The following PDE9A variants were observed in gnomAD, a reference collection of about 807,000 sequenced individuals.
The protein encoded by PDE9A is phosphodiesterase 9A.
Under a neutral mutation model 87.4 loss-of-function variants are expected in PDE9A, and 60 were observed. The observed-to-expected ratio is 0.69, with a 90% CI of 0.56 to 0.85. The LOEUF (loss-of-function observed/expected upper bound fraction) is 0.85, where lower values mean the gene tolerates loss of function less well. Ranked by LOEUF, PDE9A falls within the 40% of genes least tolerant of loss-of-function variation. The pLI, the probability that PDE9A is intolerant of heterozygous loss-of-function variation, is 0.00. For missense variants in PDE9A, 665 were observed against 779.0 expected (o/e 0.85, Z 1.74); for synonymous variants, 272 against 279.4 (o/e 0.97, Z 0.27).
rs534532663 is a variant in PDE9A at position 42,707,838 on chromosome 21, T to A, written c.262+8827T>A. ...CTTGGAGGATAAATGAAGTAATTTATGCAAAATGCTGAGCACAGTGCCTGC... is the reference window on the plus strand; with the variant it reads ...CTTGGAGGATAAATGAAGTAATTTAAGCAAAATGCTGAGCACAGTGCCTGC... On this transcript the variant is annotated intron_variant, in intron 4 of 19. Coordinates refer to ENST00000291539, the MANE Select transcript of PDE9A (RefSeq NM_002606.3). Among the ~76,000 whole-genome samples, 189 of 152,346 alleles carry A rather than the reference T, an allele frequency of 1.2e-3. 1 individual carries two copies. The highest frequency in any genetic ancestry group is 4.1e-3 in the African/African-American group (169 of 41,572).
At chr21:42,657,925 G>T (rs1229447574) in intron 1 of PDE9A, among the ~76,000 whole-genome samples, 1 of 152,198 alleles carries the variant, frequency 6.6e-6, no homozygotes, top group Non-Finnish European at 1.5e-5. Flanking sequence ...TTGAGTTTGC[G>T]GGGCTGTTTC....
rs556362829 is a variant in PDE9A at position 42,760,558 on chromosome 21, C to T, written c.1002+126C>T. On this transcript the variant is annotated intron_variant, in intron 12 of 19. Transcript: ENST00000291539. The surrounding 1 kb of genome is among the most constrained non-coding windows in gnomAD (Gnocchi z 5.2). ...GCGTGGGGTCCCCAGCCGCTCCGCC[C>T]CTCCTAGGGACGCACCCCTGCCCAC... 1,458 of 659,470 alleles carry T rather than the reference C, an allele frequency of 2.2e-3. 14 individuals are homozygous for T. Among genetic ancestry groups the T allele is most frequent in the South Asian group, 0.011 (656 of 57,828 alleles). 40.9% of individuals were successfully genotyped at this position (659,470 alleles called of 1,614,324 possible).
intron 7 of PDE9A, among the ~76,000 whole-genome samples, chr21:42,735,521 GGCCCTGGTTCCAT>G (rs2052306814): frequency 6.6e-6 from 1 of 152,146 alleles, no homozygotes; most frequent in Non-Finnish European, 1.5e-5. Flanking sequence ...GGCTCTGAGG[GGCCCTGGTTCCAT>G]GCCTGTCTCC....
At chr21:42,767,058 G>A (rs542043631) in intron 15 of PDE9A, among the ~76,000 whole-genome samples, 6 of 152,120 alleles carry the variant, frequency 3.9e-5, no homozygotes, top group South Asian at 4.1e-4. Context: ...GACCTGCACC[G>A]CGGGGTCAGA....
At chr21:42,682,186 C>T (rs1355340008) in intron 1 of PDE9A, among the ~76,000 whole-genome samples, 2 of 152,168 alleles carry the variant, frequency 1.3e-5, no homozygotes, top group African/African-American at 4.8e-5. Context: ...ACTGATGAAT[C>T]GAATGGGAAC....
At chr21:42,669,296 C>CA (rs2058249059) in intron 1 of PDE9A, among the ~76,000 whole-genome samples, 1 of 152,096 alleles carries the variant, frequency 6.6e-6, no homozygotes, top group Non-Finnish European at 1.5e-5. Flanking sequence ...TGGTGGCTGC[C>CA]AGCAGTTTGG....
Position 42,704,939 on chromosome 21 carries a change from A to G in PDE9A, c.262+5928A>G, listed in dbSNP as rs1477077250. Among the ~76,000 whole-genome samples, 8 of 152,238 alleles carry G rather than the reference A, an allele frequency of 5.3e-5. No individual in the cohort carries two copies. The East Asian group carries it at 1.5e-3, about 29-fold the overall frequency. ...GTTTTGCTACTTAAATATTCAGGAAATAGTAAAGAGAAGAGTATTATCAAA... is the reference window on the plus strand; with the variant it reads ...GTTTTGCTACTTAAATATTCAGGAAGTAGTAAAGAGAAGAGTATTATCAAA... On this transcript the variant is annotated intron_variant, in intron 4 of 19. Coordinates refer to ENST00000291539, the MANE Select transcript of PDE9A (RefSeq NM_002606.3). This position sits in a 1 kb window ranked among gnomAD's most constrained non-coding sequence, Gnocchi z 5.3.
intron 14 of PDE9A, among the ~76,000 whole-genome samples, chr21:42,763,352 G>A (rs148714493): frequency 9.6e-4 from 146 of 152,300 alleles, no homozygotes; most frequent in African/African-American, 3.2e-3. Flanking sequence ...TAAGGGGGCC[G>A]TAAATCCAAA....
chr21:42,698,137 AAAG>A (rs1430425559), intron 3 of PDE9A, among the ~76,000 whole-genome samples: 2 of 152,138 alleles, frequency 1.3e-5, no homozygotes, highest in Non-Finnish European at 2.9e-5. Flanking sequence ...CTGCTGAGAC[AAAG>A]GATTTTAACT....
intron 10 of PDE9A, 76 bp downstream of exon 10, chr21:42,754,140 C>G: frequency 1.3e-6 from 1 of 779,566 alleles, no homozygotes; most frequent in Non-Finnish European, 2.2e-6. Flanking sequence ...GGACCACCCC[C>G]ATCGCTCTTC....
chr21:42,654,011 C>T, intron 1 of PDE9A, 128 bp downstream of exon 1: 1 of 274,276 alleles, frequency 3.6e-6, no homozygotes. Flanking sequence ...TCCGCCAGCT[C>T]TGGTCGGGGG....
intron 10 of PDE9A, among the ~76,000 whole-genome samples, chr21:42,755,614 G>A (rs953441343): frequency 2.0e-5 from 3 of 152,238 alleles, no homozygotes; most frequent in African/African-American, 7.2e-5. Flanking sequence ...GGAGATGCAA[G>A]GGGTGAGAGG....
Position 42,739,404 on chromosome 21 carries a change from A to G in PDE9A, c.569-4372A>G, listed in dbSNP as rs2052859709. The stretch of plus-strand genomic sequence containing the variant: ...TCCCCAAAGCAGCCGGGTGTCCTGG[A>G]AAGGCCAGGGAGTGAGGAGGCAGGA... On this transcript the variant is annotated intron_variant, in intron 7 of 19. Transcript: ENST00000291539. The surrounding 1 kb of genome is among the most constrained non-coding windows in gnomAD (Gnocchi z 4.1). 6.6e-6 allele frequency among the ~76,000 whole-genome samples: 1 copy of G among 152,116 alleles called. No homozygotes were observed. The highest frequency in any genetic ancestry group is 2.4e-5 in the African/African-American group (1 of 41,412).
At chr21:42,773,493 C>CGT (rs1478465457) in intron 19 of PDE9A, among the ~76,000 whole-genome samples, 1 of 152,078 alleles carries the variant, frequency 6.6e-6, no homozygotes, top group Non-Finnish European at 1.5e-5. Context: ...GCAGAGCAGC[C>CGT]GTTTGTTCAC....
In PDE9A at chr21:42,672,748, G is replaced by A. The variant is rs141147362; in HGVS notation, c.70-13444G>A. The stretch of plus-strand genomic sequence containing the variant: ...ATCCGACGCGGTTGATCTTATTAAC[G>A]CATATGTGTTTGTGTTGATGTGGCC... On this transcript the variant is annotated intron_variant, in intron 1 of 19. Transcript: ENST00000291539. Among the ~76,000 whole-genome samples, 676 of 152,300 alleles carry A rather than the reference G, an allele frequency of 4.4e-3. 7 individuals carry two copies. The highest frequency in any genetic ancestry group is 5.7e-3 in the Non-Finnish European group (385 of 68,024).
chr21:42,706,569 T>C (rs2048851854), intron 4 of PDE9A, among the ~76,000 whole-genome samples: 1 of 151,778 alleles, frequency 6.6e-6, no homozygotes, highest in Admixed American at 6.6e-5. Context: ...CGCTTGAACC[T>C]GGGGGTAGAG....
chr21:42,740,204 G>A (rs1331609004), intron 7 of PDE9A, among the ~76,000 whole-genome samples: 1 of 152,166 alleles, frequency 6.6e-6, no homozygotes, highest in Non-Finnish European at 1.5e-5. Context: ...AGCACTTTGG[G>A]AGGTGAAGGC....
chr21:42,711,435 T>C (rs997527105), intron 4 of PDE9A, among the ~76,000 whole-genome samples: 2 of 151,878 alleles, frequency 1.3e-5, no homozygotes, highest in African/African-American at 2.4e-5. Context: ...GTATTTTTAG[T>C]AGAGATGGGG....
intron 10 of PDE9A, among the ~76,000 whole-genome samples, chr21:42,756,452 A>G (rs729861): frequency 0.47 from 72,023 of 152,054 alleles, 17,430 homozygotes; most frequent in Non-Finnish European, 0.51. Flanking sequence ...GGGCGCCCCC[A>G]CTTTTCTCCG....
Sources: gnomAD v4.1 joint callset for allele counts (sites outside exome capture counted in the v4.1 genomes callset) on GRCh38, gnomAD v4.1.1 for gene constraint, Gnocchi (gnomAD v3.1) non-coding constraint, MANE v1.5 for transcripts, NCBI Gene and HGNC (gene_info 2026-07-23, HGNC 2026-07-21) for gene names.